Variants in COL22A1 observed in about 807,000 individuals in gnomAD.
COL22A1 encodes collagen type XXII alpha 1 chain, also known as collagen alpha-1(XXII) chain.
COL22A1 carries 221 observed loss-of-function variants against 248.9 expected under a neutral mutation model. That is an observed-to-expected ratio of 0.89 (90% CI 0.80 to 0.99). The LOEUF is 0.99. COL22A1 is among the 50% of genes least tolerant of loss of function. The pLI is 0.00. For synonymous variants in COL22A1, 891 were observed against 793.4 expected (o/e 1.12, Z -2.07); for missense variants, 2,240 against 2,179.0 (o/e 1.03, Z -0.56).
chr8:138,806,432 TAC>T (rs1215618831), intron 10 of COL22A1, among the ~76,000 whole-genome samples: 1 of 151,452 alleles, frequency 6.6e-6, no homozygotes, highest in Non-Finnish European at 1.5e-5. Flanking sequence ...AGGAAATATC[TAC>T]AGTCAGGAGA....
chr8:138,833,063 G>A lies in COL22A1; in HGVS notation c.821C>T (p.Ser274Phe). 1 of 1,612,778 alleles carries A rather than the reference G, an allele frequency of 6.2e-7. No homozygotes were observed. The change falls in exon 5 of 65, where the codon TCC (serine) becomes TTC (phenylalanine). Residue 274 changes from serine to phenylalanine, a missense_variant. By Grantham distance (155) the Ser-to-Phe change is radical. Transcript: ENST00000303045. The part of the protein sequence containing the change: ...GAQSSYVRMG[S>F]FPVVQSTEDV... ...CTCAGTACTTTGCACCACAGGGAAG[G>A]ATCCCATCCGTACATAGGAACTCTG... is the stretch of plus-strand genomic sequence containing the variant.
At chr8:138,829,041 G>C (rs928844366) in intron 5 of COL22A1, among the ~76,000 whole-genome samples, 4 of 152,256 alleles carry the variant, frequency 2.6e-5, no homozygotes, top group Non-Finnish European at 4.4e-5. Flanking sequence ...GTGGGGAGGC[G>C]TCTGAGTTCC....
chr8:138,709,559 T>C (rs1828772762), intron 30 of COL22A1, among the ~76,000 whole-genome samples: 1 of 145,864 alleles, frequency 6.9e-6, no homozygotes, highest in Non-Finnish European at 1.5e-5. Flanking sequence ...ACACCCCATG[T>C]TCTCACTCAT....
chr8:138,632,440 T>C (rs77044609), intron 49 of COL22A1, among the ~76,000 whole-genome samples: 5,600 of 152,286 alleles, frequency 0.037, 139 homozygotes, highest in South Asian at 0.077. Context: ...TCCATGAATA[T>C]AAGTGTCTAT....
At chr8:138,890,281 C>G (rs1057489214) in intron 1 of COL22A1, among the ~76,000 whole-genome samples, 1 of 152,126 alleles carries the variant, frequency 6.6e-6, no homozygotes, top group African/African-American at 2.4e-5. Context: ...ACGTCATCCT[C>G]AATGGTGAAA....
chr8:138,690,852 G>T lies in COL22A1; in HGVS notation c.2777C>A (p.Ala926Asp), dbSNP rs762522073. 8.1e-6 allele frequency: 13 copies of T among 1,610,348 alleles called. No individual in the cohort carries two copies. The Admixed American group carries it at 2.2e-4, about 27-fold the overall frequency. ...TCCTGGAGGGCCACTGGGACCGGGG[G>T]CACCGACATGTCCGGGAGCACCCTG... is the stretch of plus-strand genomic sequence containing the variant. ...GNPGAPGHVG[A>D]PGPSGPPGSV... is the part of the protein sequence containing the mutation. The change falls in exon 36 of 65, where the codon GCC (alanine) becomes GAC (aspartate). Residue 926 changes from alanine to aspartate, a missense_variant. Ala to Asp is a moderately radical substitution (Grantham distance 126, BLOSUM62 -2). Transcript: ENST00000303045.
intron 23 of COL22A1, 70 bp from the exon 24 acceptor site, chr8:138,725,510 G>C (rs1287918437): frequency 3.0e-6 from 4 of 1,313,704 alleles, no homozygotes; most frequent in Non-Finnish European, 4.3e-6. Context: ...GTGGGCATTT[G>C]AAAGAGGCAA....
In COL22A1 at chr8:138,800,381, T is replaced by C. The variant is rs138658654; in HGVS notation, c.1557+2491A>G. On this transcript the variant is annotated intron_variant, in intron 11 of 64. Coordinates refer to ENST00000303045, the MANE Select transcript of COL22A1 (RefSeq NM_152888.3). ...GCTCTGGAACTCCAGACGCAGGAGG[T>C]GAAAAATGTTGGAATTTCACCAGGT... 5.9e-3 allele frequency among the ~76,000 whole-genome samples: 901 copies of C among 152,086 alleles called. 6 individuals are homozygous for C. Among genetic ancestry groups the C allele is most frequent in the African/African-American group, 0.02 (843 of 41,476 alleles).
chr8:138,888,241 G>C (rs1586971194), intron 1 of COL22A1, among the ~76,000 whole-genome samples: 1 of 152,158 alleles, frequency 6.6e-6, no homozygotes, highest in East Asian at 1.9e-4. Flanking sequence ...CACACACCAG[G>C]GGGAGGGAGG....
intron 56 of COL22A1, among the ~76,000 whole-genome samples, chr8:138,609,646 T>C (rs1378440605): frequency 2.6e-5 from 4 of 152,224 alleles, no homozygotes; most frequent in African/African-American, 7.2e-5. Context: ...TAAAAATATG[T>C]ACTTTGCCTT....
chr8:138,737,572 C>T lies in COL22A1; in HGVS notation c.2091G>A (p.Lys697=), dbSNP rs1831222463. The change falls in exon 23 of 65, where the codon AAG becomes AAA. Residue 697 remains lysine, a synonymous_variant. Coordinates refer to ENST00000303045, the MANE Select transcript of COL22A1 (RefSeq NM_152888.3). ...TTCCAGGTGGTCCCATGTCACCTTT[C>T]TTCCCCTGAGTGTAAAAGAAGAAGC... The part of the protein sequence containing the change: ...GPPGLQGLRG[K]KGDMGPPGIP... The T allele has an allele frequency of 6.2e-7, 1 of 1,609,752 alleles. No individual in the cohort carries two copies. Among genetic ancestry groups the T allele is most frequent in the Admixed American group, 1.7e-5 (1 of 59,964 alleles).
intron 23 of COL22A1, among the ~76,000 whole-genome samples, chr8:138,726,737 C>T (rs796872032): frequency 2.6e-5 from 4 of 152,118 alleles, no homozygotes; most frequent in Non-Finnish European, 4.4e-5. Flanking sequence ...GAAGGTATTG[C>T]GTTTTGAATG....
In COL22A1 at chr8:138,700,150, A is replaced by G. The variant is rs1169581500; in HGVS notation, c.2560-6T>C. 3 of 1,613,298 alleles carry G rather than the reference A, an allele frequency of 1.9e-6. No homozygotes were observed. Among genetic ancestry groups the G allele is most frequent in the South Asian group, 1.1e-5 (1 of 90,628 alleles). ...TGTGGTGTGAACAGGGATGTCTGAA[A>G]AGGAAACCACAGAGATTAGAAAGAT... On this transcript the variant is annotated splice_region_variant and splice_polypyrimidine_tract_variant and intron_variant, in intron 31 of 64. Coordinates refer to ENST00000303045, the MANE Select transcript of COL22A1 (RefSeq NM_152888.3).
rs112296228 is a variant in COL22A1 at position 138,755,466 on chromosome 8, C to T, written c.1977+16G>A. 1,730 of 1,610,328 alleles carry T rather than the reference C, an allele frequency of 1.1e-3. 17 individuals are homozygous for T. The African/African-American group carries it at 0.019, about 17-fold the overall frequency. ...GACCTAAATCCCCATGAGAAGAAGA[C>T]GCGTGTGCCTCTTACCTGTTCCCCT... On this transcript the variant is annotated intron_variant, in intron 20 of 64. Transcript: ENST00000303045.
intron 16 of COL22A1, among the ~76,000 whole-genome samples, chr8:138,768,703 C>A (rs1461261523): frequency 6.6e-6 from 1 of 151,970 alleles, no homozygotes; most frequent in Non-Finnish European, 1.5e-5. Flanking sequence ...TTTGGGAGGT[C>A]GAGGCAGGCA....
chr8:138,779,542 T>C lies in COL22A1; in HGVS notation c.1671A>G (p.Gly557=), dbSNP rs1814768622. ...KGMRGEPGEL[G]EPGLPGEVGM... ...CGACCTCACCCGGCAGCCCCGGCTC[T>C]CCCAGCTCTCCTGGCTCCCCCTGAA... The change falls in exon 14 of 65, where the codon GGA becomes GGG. Residue 557 remains glycine, a synonymous_variant. Coordinates refer to ENST00000303045, the MANE Select transcript of COL22A1 (RefSeq NM_152888.3). The C allele has an allele frequency of 1.9e-6, 3 of 1,613,444 alleles. No homozygotes were observed. In the East Asian group the frequency reaches 6.7e-5, roughly 36 times the overall value.
At chr8:138,643,949 T>G (rs1468458536) in intron 47 of COL22A1, among the ~76,000 whole-genome samples, 1 of 152,080 alleles carries the variant, frequency 6.6e-6, no homozygotes, top group Non-Finnish European at 1.5e-5. Flanking sequence ...CCCTGGATAA[T>G]TTTTGTATTT....
intron 3 of COL22A1, among the ~76,000 whole-genome samples, chr8:138,863,266 T>C (rs1471354730): frequency 6.6e-6 from 1 of 152,222 alleles, no homozygotes; most frequent in Non-Finnish European, 1.5e-5. Flanking sequence ...CAGGCCCTGT[T>C]GCCCATCTAG....
intron 30 of COL22A1, among the ~76,000 whole-genome samples, chr8:138,707,732 G>T (rs1429000817): frequency 1.3e-5 from 2 of 152,190 alleles, no homozygotes; most frequent in Non-Finnish European, 2.9e-5. Context: ...GCACAAGATA[G>T]GGATGCCCTC....
Sources: allele counts gnomAD v4.1 joint callset (sites outside exome capture counted in the v4.1 genomes callset), GRCh38; gene constraint gnomAD v4.1.1; transcripts MANE v1.5; gene names NCBI Gene and HGNC (gene_info 2026-07-23, HGNC 2026-07-21).